The following THSD7B variants were observed in gnomAD, a reference collection of about 807,000 sequenced individuals.
THSD7B encodes thrombospondin type-1 domain-containing protein 7B.
In THSD7B, 138 loss-of-function variants were observed where a neutral mutation model predicts 213.6. The ratio of observed to expected loss-of-function variants is 0.65; its 90% CI spans 0.56 to 0.74. The LOEUF is 0.74. Among genes scored for constraint, THSD7B ranks in the 30% least tolerant of loss-of-function variants. THSD7B has a pLI of 0.00. For synonymous variants in THSD7B, 742 were observed against 687.0 expected (o/e 1.08, Z -1.25); for missense variants, 1,931 against 1,991.5 (o/e 0.97, Z 0.58).
intron 16 of THSD7B, 91 bp downstream of exon 16, chr2:137,563,445 T>G: frequency 4.7e-6 from 7 of 1,483,460 alleles, no homozygotes; most frequent in Non-Finnish European, 6.4e-6. Flanking sequence ...CCAAGTACAC[T>G]CTGATTTTCA....
chr2:137,295,379 T>C (rs1206673902), intron 12 of THSD7B, among the ~76,000 whole-genome samples: 1 of 152,214 alleles, frequency 6.6e-6, no homozygotes, highest in Non-Finnish European at 1.5e-5. Flanking sequence ...ATATGATTTC[T>C]ATGGCAATTT....
intron 7 of THSD7B, among the ~76,000 whole-genome samples, chr2:137,227,980 T>C (rs1681548262): frequency 6.6e-6 from 1 of 152,124 alleles, no homozygotes. Context: ...TTAGAATAGC[T>C]CTAAAAGGTA....
chr2:136,768,008 A>G (rs1681439396), intron 1 of THSD7B, among the ~76,000 whole-genome samples: 1 of 152,250 alleles, frequency 6.6e-6, no homozygotes, highest in East Asian at 1.9e-4. Context: ...ATTACCGATC[A>G]TATAAACAAT....
intron 3 of THSD7B, among the ~76,000 whole-genome samples, chr2:137,061,629 T>C (rs1008870624): frequency 2.0e-5 from 3 of 151,852 alleles, no homozygotes; most frequent in Non-Finnish European, 3.0e-5. Flanking sequence ...TATATGATTT[T>C]TGTTCATTAG....
At chr2:137,561,142 T>C (rs1297044397) in intron 15 of THSD7B, among the ~76,000 whole-genome samples, 1 of 152,208 alleles carries the variant, frequency 6.6e-6, no homozygotes, top group Non-Finnish European at 1.5e-5. Flanking sequence ...ATTCTCCCTG[T>C]CTTCCAATAG....
At chr2:137,670,572 T>C (rs1168699278) in intron 27 of THSD7B, among the ~76,000 whole-genome samples, 1 of 152,182 alleles carries the variant, frequency 6.6e-6, no homozygotes, top group African/African-American at 2.4e-5. Context: ...TGTGCTAAAT[T>C]ATAGTTCCAT....
chr2:137,313,762 A>C (rs1328602445), intron 12 of THSD7B, among the ~76,000 whole-genome samples: 1 of 152,110 alleles, frequency 6.6e-6, no homozygotes, highest in East Asian at 1.9e-4. Flanking sequence ...CCCTTCACTT[A>C]TGAAGCTTAG....
intron 12 of THSD7B, among the ~76,000 whole-genome samples, chr2:137,365,883 A>G (rs1263511746): frequency 6.6e-6 from 1 of 152,202 alleles, no homozygotes; most frequent in East Asian, 1.9e-4. Flanking sequence ...CAGCCATCCC[A>G]TTACTGGGTA....
intron 3 of THSD7B, among the ~76,000 whole-genome samples, chr2:137,069,880 A>G (rs1220441804): frequency 1.3e-5 from 2 of 150,600 alleles, no homozygotes; most frequent in Non-Finnish European, 1.5e-5. Context: ...TAAAACATAT[A>G]TATAGCTATA....
At chr2:136,842,988 G>A (rs1052622633) in intron 1 of THSD7B, among the ~76,000 whole-genome samples, 5 of 151,812 alleles carry the variant, frequency 3.3e-5, no homozygotes, top group Non-Finnish European at 1.5e-5. Flanking sequence ...CTCTAATCAG[G>A]TACTGACTGG....
intron 10 of THSD7B, among the ~76,000 whole-genome samples, chr2:137,255,962 GTTT>G (rs1456507509): frequency 6.6e-6 from 1 of 152,070 alleles, no homozygotes; most frequent in East Asian, 1.9e-4. Flanking sequence ...TCAACACTTT[GTTT>G]TCAGTTAAAA....
Position 137,059,134 on chromosome 2 carries a change from G to T in THSD7B, c.950+1904G>T, listed in dbSNP as rs372233797. Among the ~76,000 whole-genome samples, 25 of 151,882 alleles carry T rather than the reference G, an allele frequency of 1.6e-4. No homozygotes were observed. In the East Asian group the frequency reaches 4.4e-3, roughly 27 times the overall value. On this transcript the variant is annotated intron_variant, in intron 3 of 27. Coordinates refer to ENST00000409968, the MANE Select transcript of THSD7B (RefSeq NM_001316349.2). ...AGGTTGTCTTCTTGTCTTAAAGATGGCCATCTTCTTGCTGTGTCCTCACAT... is the reference window on the plus strand; with the variant it reads ...AGGTTGTCTTCTTGTCTTAAAGATGTCCATCTTCTTGCTGTGTCCTCACAT...
chr2:136,859,538 T>C (rs937342851), intron 1 of THSD7B, among the ~76,000 whole-genome samples: 21 of 152,092 alleles, frequency 1.4e-4, no homozygotes, highest in African/African-American at 4.8e-4. Context: ...GTAGAAGAAT[T>C]TACAAAGTTC....
intron 2 of THSD7B, among the ~76,000 whole-genome samples, chr2:137,006,709 A>G (rs1166426168): frequency 6.6e-6 from 1 of 152,218 alleles, no homozygotes; most frequent in East Asian, 1.9e-4. Flanking sequence ...ATTTGAATTA[A>G]TTGAATATTG....
At chr2:137,672,449 A>T (rs757354036) in intron 27 of THSD7B, among the ~76,000 whole-genome samples, 1 of 152,182 alleles carries the variant, frequency 6.6e-6, no homozygotes, top group Non-Finnish European at 1.5e-5. Flanking sequence ...TAGACTCAAC[A>T]TAATGTCTAT....
chr2:136,842,080 G>A (rs571997742), intron 1 of THSD7B, among the ~76,000 whole-genome samples: 37 of 152,290 alleles, frequency 2.4e-4, no homozygotes, highest in African/African-American at 8.2e-4. Flanking sequence ...AGGCAGCTAC[G>A]TCTGTGGAAG....
At chr2:136,947,009 C>T (rs1006667123) in intron 2 of THSD7B, among the ~76,000 whole-genome samples, 3 of 152,190 alleles carry the variant, frequency 2.0e-5, no homozygotes, top group Non-Finnish European at 4.4e-5. Flanking sequence ...CAACCAGTCC[C>T]AGTGAGATGA....
At chr2:137,202,171 C>A (rs1680890809) in intron 7 of THSD7B, among the ~76,000 whole-genome samples, 1 of 152,044 alleles carries the variant, frequency 6.6e-6, no homozygotes, top group Non-Finnish European at 1.5e-5. Context: ...TCTGAGTGAG[C>A]TTTTGTATGA....
chr2:137,554,435 T>C (rs1680910529), intron 15 of THSD7B, among the ~76,000 whole-genome samples: 3 of 152,220 alleles, frequency 2.0e-5, no homozygotes, highest in Admixed American at 6.5e-5. Flanking sequence ...AGCATATGTA[T>C]GCATGGAGAG....
Sources: gnomAD v4.1 joint callset for allele counts (sites outside exome capture counted in the v4.1 genomes callset) on GRCh38, gnomAD v4.1.1 for gene constraint, MANE v1.5 for transcripts, NCBI Gene and HGNC (gene_info 2026-07-23, HGNC 2026-07-21) for gene names.